Variants in ZFC3H1 observed in about 807,000 individuals in gnomAD.
The protein encoded by ZFC3H1 is zinc finger C3H1-type containing, also known as zinc finger C3H1 domain-containing protein.
A neutral mutation model predicts 243.7 loss-of-function variants in ZFC3H1; 71 were observed. The ratio of observed to expected loss-of-function variants is 0.29; its 90% confidence interval spans 0.24 to 0.36. The LOEUF (loss-of-function observed/expected upper bound fraction) is 0.36, where lower values mean the gene tolerates loss of function less well. ZFC3H1 is among the 10% of genes least tolerant of loss of function. The pLI, the probability that ZFC3H1 is intolerant of heterozygous loss-of-function variation, is 1.00. For synonymous variants in ZFC3H1, 838 were observed against 813.0 expected, an observed-to-expected ratio of 1.03 and a Z score of -0.52; for missense variants, 1,966 against 2,317.1, an observed-to-expected ratio of 0.85 and a Z score of 3.11.
intron 27 of ZFC3H1, among the ~76,000 whole-genome samples, chr12:71,617,290 A>G (rs1371892793): frequency 2.0e-5 from 3 of 152,206 alleles, no homozygotes; most frequent in African/African-American, 7.2e-5. Flanking sequence ...CTAATATCTG[A>G]TGAAAAAGAC....
chr12:71,648,919 G>A (rs1340818173), intron 2 of ZFC3H1, among the ~76,000 whole-genome samples: 1 of 151,892 alleles, frequency 6.6e-6, no homozygotes, highest in Non-Finnish European at 1.5e-5. Context: ...GCAAAACTCT[G>A]TCTCTACTGA....
intron 33 of ZFC3H1, 67 bp downstream of exon 33, chr12:71,610,991 A>C (rs963797369): frequency 1.7e-5 from 26 of 1,564,954 alleles, no homozygotes; most frequent in Non-Finnish European, 2.2e-5. Flanking sequence ...TTTTAAATTG[A>C]GAAGTCAACA....
chr12:71,645,906 T>A (rs1347169746), intron 3 of ZFC3H1, among the ~76,000 whole-genome samples: 1 of 152,166 alleles, frequency 6.6e-6, no homozygotes, highest in Non-Finnish European at 1.5e-5. Flanking sequence ...TAATAAGGGG[T>A]GGGAGGATAG....
At chr12:71,651,538 T>A (rs1440832932) in intron 2 of ZFC3H1, among the ~76,000 whole-genome samples, 1 of 152,240 alleles carries the variant, frequency 6.6e-6, no homozygotes, top group South Asian at 2.1e-4. Context: ...AATGGAAGAA[T>A]GAAATAAAAA....
At position 71,632,449 on chromosome 12, in the gene ZFC3H1, T is replaced by C; in HGVS notation, c.2883A>G (p.Leu961=). 5.6e-6 allele frequency: 9 copies of C among 1,605,582 alleles called. No homozygotes were observed. Among genetic ancestry groups the C allele is most frequent in the Non-Finnish European group, 6.8e-6 (8 of 1,179,406 alleles). ...VSSPRKHSAE[L]IAMEKRRLQK... ...GTAACCGTCTTTTCTCCATAGCAAT[T>C]AGTTCTGCTGAATGCTTTCTTGGAC... The change falls in exon 15 of 35, where the codon CTA becomes CTG. Residue 961 remains leucine (L), a synonymous_variant. Transcript: ENST00000378743.
chr12:71,619,353 T>G lies in ZFC3H1; in HGVS notation c.5106A>C (p.Lys1702Asn). 1 of 1,613,644 alleles carries G rather than the reference T, an allele frequency of 6.2e-7. No individual in the cohort carries two copies. Among genetic ancestry groups the G allele is most frequent in the Non-Finnish European group, 8.5e-7 (1 of 1,179,778 alleles). Reference protein sequence around the residue: ...FLRKFIASFFKPGFEKYNNLD... With the variant: ...FLRKFIASFFNPGFEKYNNLD... ...AGTTATTATACTTCTCAAACCCCGGTTTAAAGAAGGATGCAATAAATTTCC... is the reference window on the plus strand; with the variant it reads ...AGTTATTATACTTCTCAAACCCCGGGTTAAAGAAGGATGCAATAAATTTCC... Residue 1702 changes from lysine (K) to asparagine (N), a missense_variant, in exon 27 of 35, where the codon AAA (lysine) becomes AAC (asparagine). Around this residue, in one of 4 missense-constraint regions of ZFC3H1, gnomAD observed 1,383 missense variants for 1,723.7 expected, o/e 0.80. Coordinates refer to ENST00000378743, the MANE Select transcript of ZFC3H1 (RefSeq NM_144982.5).
chr12:71,633,134 T>C, intron 13 of ZFC3H1, 117 bp from the exon 14 acceptor site: 1 of 1,394,990 alleles, frequency 7.2e-7, no homozygotes, highest in Non-Finnish European at 9.6e-7. Context: ...ATTCCAATAT[T>C]ATTTCTCAAC....
Position 71,657,150 on chromosome 12 carries a change from C to T in ZFC3H1, c.750G>A (p.Leu250=). ...CCTGCACATTCTCTTCTTTGCTACT[C>T]AATGCTAGTTTTTCATCCTTATTGA... ...ECINKDEKLA[L]SSKEENVQED... Residue 250 remains leucine (L), a synonymous_variant, in exon 2 of 35, where the codon TTG becomes TTA. Transcript: ENST00000378743. 6.2e-7 allele frequency: 1 copy of T among 1,613,930 alleles called. No homozygotes were observed. The highest frequency in any genetic ancestry group is 8.5e-7 in the Non-Finnish European group (1 of 1,179,918).
intron 20 of ZFC3H1, among the ~76,000 whole-genome samples, chr12:71,628,387 A>C (rs1148995): frequency 0.5 from 76,067 of 152,110 alleles, 22,173 homozygotes; most frequent in Middle Eastern, 0.72. Context: ...AATAGCATAC[A>C]TCTCTTGGAT....
chr12:71,631,731 C>A, intron 16 of ZFC3H1, 47 bp downstream of exon 16: 1 of 1,480,496 alleles, frequency 6.8e-7, no homozygotes, highest in East Asian at 2.3e-5. Flanking sequence ...TATTAAAAAC[C>A]AAACAGAAAT....
intron 6 of ZFC3H1, among the ~76,000 whole-genome samples, chr12:71,640,323 A>G (rs1216206721): frequency 1.3e-5 from 2 of 152,148 alleles, no homozygotes; most frequent in African/African-American, 4.8e-5. Context: ...GTGCCCAGCC[A>G]TTCTTGTTTT....
chr12:71,611,778 T>G lies in ZFC3H1; in HGVS notation c.5729+8A>C. On this transcript the variant is annotated splice_region_variant and intron_variant, in intron 32 of 34. Coordinates refer to ENST00000378743, the MANE Select transcript of ZFC3H1 (RefSeq NM_144982.5). Reference sequence around the variant, plus strand: ...GCTATAAAAACATGTACATGATTGTTGCATTACATTTTCCAGGTGGCCAGG... The same window carrying G: ...GCTATAAAAACATGTACATGATTGTGGCATTACATTTTCCAGGTGGCCAGG... The G allele has an allele frequency of 6.3e-7, 1 of 1,594,390 alleles. No individual in the cohort carries two copies. Among genetic ancestry groups the G allele is most frequent in the Non-Finnish European group, 8.6e-7 (1 of 1,165,272 alleles).
chr12:71,645,325 A>G (rs1880701774), intron 3 of ZFC3H1, among the ~76,000 whole-genome samples: 6 of 152,370 alleles, frequency 3.9e-5, no homozygotes, highest in Admixed American at 3.9e-4. Context: ...GTAAGGCGGT[A>G]CAACTGATAG....
At chr12:71,614,493 G>A in intron 30 of ZFC3H1, 42 bp downstream of exon 30, 1 of 1,517,438 alleles carries the variant, frequency 6.6e-7, no homozygotes, top group Middle Eastern at 1.8e-4. Flanking sequence ...AAGTCTCTTT[G>A]TTTTACACAA....
intron 6 of ZFC3H1, among the ~76,000 whole-genome samples, chr12:71,638,979 T>G (rs1592595645): frequency 6.6e-6 from 1 of 152,206 alleles, no homozygotes; most frequent in Admixed American, 6.5e-5. Flanking sequence ...ACATGGACCA[T>G]ATAAGCTGTG....
chr12:71,656,501 T>C (rs1328592030), intron 2 of ZFC3H1: 4 of 658,400 alleles, frequency 6.1e-6, no homozygotes, highest in Non-Finnish European at 1.1e-5. Context: ...TCAACATCCA[T>C]TCACGCTGAA....
In ZFC3H1 at chr12:71,632,424, G is replaced by A. The variant is rs1333314620; in HGVS notation, c.2908C>T (p.Gln970Ter). 6.2e-7 allele frequency: 1 copy of A among 1,610,830 alleles called. No homozygotes were observed. The highest frequency in any genetic ancestry group is 8.5e-7 in the Non-Finnish European group (1 of 1,179,804). Reference protein sequence around the residue: ...ELIAMEKRRLQKLEYEYALKI... With the variant: ...ELIAMEKRRL ...AGGGCATATTCATATTCTAGCTTTTGTAACCGTCTTTTCTCCATAGCAATT... is the reference window on the plus strand; with the variant it reads ...AGGGCATATTCATATTCTAGCTTTTATAACCGTCTTTTCTCCATAGCAATT... Residue 970 changes from glutamine (Q) to a stop codon, truncating the protein, a stop_gained, in exon 15 of 35, where the codon CAA (glutamine) becomes TAA (stop). Transcript: ENST00000378743. LOFTEE classifies it high-confidence loss of function.
chr12:71,614,919 A>T lies in ZFC3H1; in HGVS notation c.5275T>A (p.Ser1759Thr). Residue 1759 changes from serine (S) to threonine (T), a missense_variant, in exon 29 of 35, where the codon TCA becomes ACA. Coordinates refer to ENST00000378743, the MANE Select transcript of ZFC3H1 (RefSeq NM_144982.5). Reference sequence around the variant, plus strand: ...GCCTCCACTGTTTCTTTAATACTTGATTGAAGAGGATGACAAAGGCTGTTT... The same window carrying T: ...GCCTCCACTGTTTCTTTAATACTTGTTTGAAGAGGATGACAAAGGCTGTTT... ...LIYCLCHPLQSSIKETVEAYE... is the reference protein window; with the variant it reads ...LIYCLCHPLQTSIKETVEAYE... The T allele has an allele frequency of 6.2e-7, 1 of 1,613,744 alleles. No homozygotes were observed. The highest frequency in any genetic ancestry group is 8.5e-7 in the Non-Finnish European group (1 of 1,179,724).
At position 71,644,725 on chromosome 12, in the gene ZFC3H1, G is replaced by A. The variant is rs1408657490; in HGVS notation, c.1279+152C>T. 3.4e-6 allele frequency: 3 copies of A among 875,428 alleles called. 1 individual carries two copies. Among genetic ancestry groups the A allele is most frequent in the South Asian group, 3.8e-5 (2 of 52,446 alleles). 54.2% of individuals were successfully genotyped at this position (875,428 alleles called of 1,614,324 possible). ...CCCAGCTACTTGGGAGGCTGAGGCAGGAGAATCGCCTGAACCTGGGAGGTG... is the reference window on the plus strand; with the variant it reads ...CCCAGCTACTTGGGAGGCTGAGGCAAGAGAATCGCCTGAACCTGGGAGGTG... On this transcript the variant is annotated intron_variant, in intron 4 of 34. Coordinates refer to ENST00000378743, the MANE Select transcript of ZFC3H1 (RefSeq NM_144982.5).
Sources: gnomAD v4.1 joint callset for allele counts (sites outside exome capture counted in the v4.1 genomes callset) on GRCh38, gnomAD v4.1.1 for gene constraint, gnomAD v4.1.1 regional missense constraint, MANE v1.5 for transcripts, NCBI Gene and HGNC (gene_info 2026-07-23, HGNC 2026-07-21) for gene names.